Variants in CCBE1 observed in about 807,000 individuals in gnomAD.
CCBE1 encodes collagen and calcium binding EGF domains 1.
A neutral mutation model predicts 50.0 loss-of-function variants in CCBE1; 37 were observed. The observed-to-expected ratio is 0.74, with a 90% CI of 0.57 to 0.97. The LOEUF is 0.97. Among genes scored for constraint, CCBE1 ranks in the 50% least tolerant of loss-of-function variants. CCBE1 has a pLI of 0.00. For synonymous variants in CCBE1, 234 were observed against 203.7 expected (o/e 1.15, Z -1.27); for missense variants, 538 against 523.8 (o/e 1.03, Z -0.26).
At chr18:59,532,424 T>G (rs1915088920) in intron 2 of CCBE1, among the ~76,000 whole-genome samples, 1 of 152,168 alleles carries the variant, frequency 6.6e-6, no homozygotes, top group South Asian at 2.1e-4. Context: ...TTAAACTGAC[T>G]CCTTCCAGCC....
At chr18:59,591,110 A>T (rs1418861695) in intron 2 of CCBE1, among the ~76,000 whole-genome samples, 1 of 88,100 alleles carries the variant, frequency 1.1e-5, no homozygotes, top group African/African-American at 7.3e-5. Context: ...GCCGGGCGTG[A>T]TGGTGGGCGC....
At chr18:59,618,321 A>C (rs1439677470) in intron 2 of CCBE1, among the ~76,000 whole-genome samples, 2 of 152,186 alleles carry the variant, frequency 1.3e-5, no homozygotes, top group African/African-American at 4.8e-5. Context: ...TGTTTTCCAC[A>C]GAATCTAGTT....
chr18:59,508,090 A>G (rs1598962815), intron 2 of CCBE1, among the ~76,000 whole-genome samples: 1 of 151,606 alleles, frequency 6.6e-6, no homozygotes, highest in Admixed American at 6.6e-5. Context: ...ATGGGGTTTC[A>G]CCGTGTCGGC....
At chr18:59,644,740 C>A (rs958180917) in intron 2 of CCBE1, among the ~76,000 whole-genome samples, 2 of 152,176 alleles carry the variant, frequency 1.3e-5, no homozygotes, top group African/African-American at 4.8e-5. Context: ...GTCACTAACT[C>A]CCAGCTTTTG....
At chr18:59,519,518 A>AT (rs1200675525) in intron 2 of CCBE1, among the ~76,000 whole-genome samples, 1 of 151,996 alleles carries the variant, frequency 6.6e-6, no homozygotes, top group Non-Finnish European at 1.5e-5. Flanking sequence ...AAACTTAAAA[A>AT]AAATAGCACT....
chr18:59,510,235 A>C (rs973363386), intron 2 of CCBE1, among the ~76,000 whole-genome samples: 1 of 152,176 alleles, frequency 6.6e-6, no homozygotes, highest in Non-Finnish European at 1.5e-5. Flanking sequence ...GCCATTAGCC[A>C]TATTTCACTG....
intron 2 of CCBE1, among the ~76,000 whole-genome samples, chr18:59,597,562 A>T (rs970853068): frequency 1.8e-5 from 1 of 55,874 alleles, no homozygotes; most frequent in South Asian, 6.3e-4. Context: ...CTACAAAAAA[A>T]GTAGTAGTAG....
chr18:59,462,181 CTTCCA>C (rs1294471029), intron 5 of CCBE1, among the ~76,000 whole-genome samples: 2 of 152,172 alleles, frequency 1.3e-5, no homozygotes, highest in African/African-American at 2.4e-5. Context: ...TAGTATCCTA[CTTCCA>C]TTCATCAGAT....
intron 2 of CCBE1, among the ~76,000 whole-genome samples, chr18:59,543,040 A>G (rs368214715): frequency 9.8e-5 from 15 of 152,360 alleles, no homozygotes; most frequent in African/African-American, 2.9e-4. Flanking sequence ...GCCAACAAGT[A>G]TAACTTAGAT....
At chr18:59,510,331 C>T (rs905475012) in intron 2 of CCBE1, among the ~76,000 whole-genome samples, 2 of 152,130 alleles carry the variant, frequency 1.3e-5, no homozygotes, top group Non-Finnish European at 2.9e-5. Context: ...GCCACCTCTA[C>T]TGTTGTTATG....
intron 2 of CCBE1, among the ~76,000 whole-genome samples, chr18:59,567,719 T>C (rs1269915566): frequency 6.6e-6 from 1 of 152,196 alleles, no homozygotes; most frequent in Non-Finnish European, 1.5e-5. Context: ...TCTGAAACTC[T>C]ATTCATGACT....
rs750704280 is a variant in CCBE1, at chr18:59,583,655, G to A, written c.213-103417C>T. On this transcript the variant is annotated intron_variant, in intron 2 of 10. Coordinates refer to ENST00000439986, the MANE Select transcript of CCBE1 (RefSeq NM_133459.4). The stretch of plus-strand genomic sequence containing the variant: ...AGGCCTTACCCTGTCACTGCTTTGC[G>A]TGTGTGTGTGTGTGTGTGTGTGTGT... 6.2e-5 allele frequency among the ~76,000 whole-genome samples: 6 copies of A among 96,130 alleles called. No individual in the cohort carries two copies. In the East Asian group the frequency reaches 1.5e-3, roughly 24 times the overall value. The allele number at this position is 96,130 out of a possible 152,430, so 63.1% of individuals were successfully genotyped here. A position where few individuals can be genotyped will look rare whatever the true frequency, so the allele number is the denominator to read the frequency against.
In CCBE1 at chr18:59,435,762, G is replaced by A. The variant is rs886054074; in HGVS notation, c.*146C>T. On this transcript the variant is annotated 3_prime_UTR_variant, in exon 11 of 11. Transcript: ENST00000439986. Reference sequence around the variant, plus strand: ...GACTCTGAAAATAGCATCGTATTTGGAAGAAGAGGAGTGGAGAGACGTCAG... The same window carrying A: ...GACTCTGAAAATAGCATCGTATTTGAAAGAAGAGGAGTGGAGAGACGTCAG... 1 of 787,578 alleles carries A rather than the reference G, an allele frequency of 1.3e-6. No individual in the cohort carries two copies. The highest frequency in any genetic ancestry group is 2.3e-6 in the Non-Finnish European group (1 of 443,622). The allele number at this position is 787,578 out of a possible 1,614,324, so 48.8% of individuals were successfully genotyped here.
chr18:59,688,053 A>G (rs2054680872), intron 2 of CCBE1: 1 of 152,246 alleles, frequency 6.6e-6, no homozygotes, highest in African/African-American at 2.4e-5. Context: ...GGAAAAATAT[A>G]AAGTTATAAC....
chr18:59,671,499 G>GAAA (rs56009778), intron 2 of CCBE1, among the ~76,000 whole-genome samples: 2 of 121,080 alleles, frequency 1.7e-5, no homozygotes, highest in Non-Finnish European at 3.7e-5. Context: ...CCTTGTCTCA[G>GAAA]AAAAAAAAAA....
chr18:59,697,289 C>T lies in CCBE1; in HGVS notation c.54G>A (p.Arg18=), dbSNP rs1254567188. 8 of 1,549,068 alleles carry T rather than the reference C, an allele frequency of 5.2e-6. No homozygotes were observed. The highest frequency in any genetic ancestry group is 4.9e-5 in the East Asian group (2 of 40,946). The change falls in exon 1 of 11, where the codon AGG becomes AGA. Residue 18 remains arginine, a synonymous_variant. Transcript: ENST00000439986. ...GGAGCAGCAGCAGCGGACCCAGGCT[C>T]CTGCCCAGCTGGCCCCTGGCAGCTC... ...RGGAARGQLG[R]SLGPLLLLLA...
intron 2 of CCBE1, among the ~76,000 whole-genome samples, chr18:59,647,547 A>T (rs1191195549): frequency 6.6e-6 from 1 of 152,188 alleles, no homozygotes; most frequent in African/African-American, 2.4e-5. Context: ...TATTCCTAAC[A>T]ACTGGGTTGG....
At chr18:59,454,708 C>T (rs1598913679) in intron 6 of CCBE1, 143 bp downstream of exon 6, 2 of 770,682 alleles carry the variant, frequency 2.6e-6, no homozygotes, top group Non-Finnish European at 4.5e-6. Flanking sequence ...GGCAAAACAT[C>T]CCAAGTCCAT....
At chr18:59,676,046 C>T (rs1207857231) in intron 2 of CCBE1, among the ~76,000 whole-genome samples, 2 of 152,166 alleles carry the variant, frequency 1.3e-5, no homozygotes, top group Non-Finnish European at 2.9e-5. Flanking sequence ...AACTATAATC[C>T]AGCACAGATA....
Sources: allele counts gnomAD v4.1 joint callset (sites outside exome capture counted in the v4.1 genomes callset), GRCh38; gene constraint gnomAD v4.1.1; transcripts MANE v1.5; gene names NCBI Gene and HGNC (gene_info 2026-07-23, HGNC 2026-07-21).